The following MAD1L1 variants were observed in gnomAD, a reference collection of about 807,000 sequenced individuals.
MAD1L1 encodes mitotic arrest deficient 1 like 1.
Under a neutral mutation model 96.9 loss-of-function variants are expected in MAD1L1, and 95 were observed. The ratio of observed to expected loss-of-function variants is 0.98; its 90% CI spans 0.83 to 1.16. MAD1L1 has a LOEUF of 1.16. Among genes scored for constraint, MAD1L1 ranks in the 50% most tolerant of loss-of-function variants. The probability of loss-of-function intolerance (pLI) is 0.00; values close to 1 mark genes in which losing one functional copy is unlikely to be tolerated. For missense variants in MAD1L1, 1,007 were observed against 954.4 expected (o/e 1.06, Z -0.73); for synonymous variants, 473 against 396.6 (o/e 1.19, Z -2.29).
At chr7:1,967,696 C>T (rs553990057) in intron 15 of MAD1L1, among the ~76,000 whole-genome samples, 1 of 152,320 alleles carries the variant, frequency 6.6e-6, no homozygotes, top group Non-Finnish European at 1.5e-5. Flanking sequence ...CTGGAGCACC[C>T]TGTGGTGCCA....
intron 10 of MAD1L1, among the ~76,000 whole-genome samples, chr7:2,176,456 G>A (rs1161246481): frequency 1.3e-5 from 2 of 152,140 alleles, no homozygotes; most frequent in African/African-American, 4.8e-5. Context: ...TCGTACCAGA[G>A]GTCCCGGCCA....
chr7:1,866,826 G>A (rs1784801659), intron 18 of MAD1L1, among the ~76,000 whole-genome samples: 2 of 152,244 alleles, frequency 1.3e-5, no homozygotes, highest in African/African-American at 2.4e-5. Context: ...GCGACATAGG[G>A]CCCGGTGAGG....
chr7:2,032,199 C>T (rs1362115498), intron 12 of MAD1L1, among the ~76,000 whole-genome samples: 1 of 152,230 alleles, frequency 6.6e-6, no homozygotes, highest in East Asian at 1.9e-4. Context: ...TGCTCAGGAA[C>T]TGTGTGTTCA....
At chr7:2,130,001 G>A (rs916236497) in intron 11 of MAD1L1, among the ~76,000 whole-genome samples, 3 of 152,196 alleles carry the variant, frequency 2.0e-5, no homozygotes, top group African/African-American at 7.2e-5. Flanking sequence ...CCAACAGAGG[G>A]GCAGGGATGG....
intron 18 of MAD1L1, among the ~76,000 whole-genome samples, chr7:1,896,993 G>GT (rs1265677644): frequency 1.1e-4 from 16 of 152,258 alleles, no homozygotes; most frequent in Admixed American, 5.2e-4. Flanking sequence ...AAGACTTGGT[G>GT]TGTTTTTATT....
chr7:2,186,485 T>C (rs1467675811), intron 10 of MAD1L1, among the ~76,000 whole-genome samples: 1 of 152,260 alleles, frequency 6.6e-6, no homozygotes, highest in South Asian at 2.1e-4. Flanking sequence ...ATAAAAATTA[T>C]GTAAGGACTT....
chr7:1,897,996 C>T, intron 18 of MAD1L1: 1 of 612,432 alleles, frequency 1.6e-6, no homozygotes, highest in Admixed American at 2.8e-5. Context: ...AGGTCCAGGG[C>T]TGCAAAGCCA....
chr7:2,075,338 C>G (rs1267226612), intron 11 of MAD1L1, among the ~76,000 whole-genome samples: 1 of 152,214 alleles, frequency 6.6e-6, no homozygotes, highest in Admixed American at 6.5e-5. Context: ...CCTCCCACCC[C>G]TCAGGCCCTG....
At chr7:2,182,417 AT>A (rs1791245282) in intron 10 of MAD1L1, among the ~76,000 whole-genome samples, 1 of 152,174 alleles carries the variant, frequency 6.6e-6, no homozygotes, top group African/African-American at 2.4e-5. Flanking sequence ...TGTAGTTACT[AT>A]GGAAAATAGT....
At chr7:1,954,639 C>G (rs1357974037) in intron 16 of MAD1L1, among the ~76,000 whole-genome samples, 1 of 152,182 alleles carries the variant, frequency 6.6e-6, no homozygotes, top group Non-Finnish European at 1.5e-5. Flanking sequence ...TCCACGGGGT[C>G]CGCCCGATTT....
intron 11 of MAD1L1, among the ~76,000 whole-genome samples, chr7:2,094,714 C>T (rs1015206566): frequency 5.3e-5 from 8 of 152,144 alleles, no homozygotes; most frequent in Admixed American, 3.3e-4. Context: ...GCAAAGGCCC[C>T]GGGGCAGGAG....
At chr7:2,057,633 T>C (rs1784438037) in intron 12 of MAD1L1, among the ~76,000 whole-genome samples, 3 of 152,272 alleles carry the variant, frequency 2.0e-5, no homozygotes, top group African/African-American at 7.2e-5. Flanking sequence ...ACCTGTATTA[T>C]ATGCTTTGTA....
intron 15 of MAD1L1, among the ~76,000 whole-genome samples, chr7:1,975,849 C>T (rs978094226): frequency 8.5e-5 from 13 of 152,204 alleles, no homozygotes; most frequent in Admixed American, 2.6e-4. Context: ...GGCCGGGAAG[C>T]GAGGGTCCGA....
At chr7:1,950,362 A>G (rs1779435296) in intron 16 of MAD1L1, among the ~76,000 whole-genome samples, 1 of 152,000 alleles carries the variant, frequency 6.6e-6, no homozygotes, top group African/African-American at 2.4e-5. Flanking sequence ...GTCCCGCGCC[A>G]CCTCGAGGCC....
At chr7:1,833,432 TAGTC>T (rs1252325873) in intron 18 of MAD1L1, among the ~76,000 whole-genome samples, 12 of 152,330 alleles carry the variant, frequency 7.9e-5, no homozygotes, top group Admixed American at 2.6e-4. Context: ...TCTGTAATAA[TAGTC>T]AGAGATGTCA....
At chr7:1,963,305 G>A (rs966914282) in intron 15 of MAD1L1, among the ~76,000 whole-genome samples, 18 of 152,130 alleles carry the variant, frequency 1.2e-4, no homozygotes, top group Non-Finnish European at 2.5e-4. Flanking sequence ...GCCATGCTGC[G>A]TGGAAGAAGC....
intron 12 of MAD1L1, among the ~76,000 whole-genome samples, chr7:2,025,146 G>C (rs1782945102): frequency 6.6e-6 from 1 of 152,186 alleles, no homozygotes; most frequent in Admixed American, 6.5e-5. Context: ...TCATATGAGA[G>C]CTCTATGCTG....
At chr7:1,831,852 C>G (rs1289137265) in intron 18 of MAD1L1, among the ~76,000 whole-genome samples, 2 of 152,224 alleles carry the variant, frequency 1.3e-5, no homozygotes, top group Non-Finnish European at 2.9e-5. Flanking sequence ...TTTAAGCCCA[C>G]TGTTGAGACC....
chr7:2,102,457 CA>C (rs149119974), intron 11 of MAD1L1, among the ~76,000 whole-genome samples: 1 of 83,624 alleles, frequency 1.2e-5, no homozygotes, highest in African/African-American at 3.7e-5. Flanking sequence ...CTACTGTCAC[CA>C]CTCACCACCA....
Sources: allele counts gnomAD v4.1 joint callset (sites outside exome capture counted in the v4.1 genomes callset), GRCh38; gene constraint gnomAD v4.1.1; transcripts MANE v1.5; gene names NCBI Gene and HGNC (gene_info 2026-07-23, HGNC 2026-07-21).